The following CCDC178 variants were observed in gnomAD, a reference collection of about 807,000 sequenced individuals.
CCDC178 encodes the protein coiled-coil domain containing 178.
In CCDC178, 126 loss-of-function variants were observed where a neutral mutation model predicts 117.4. The ratio of observed to expected loss-of-function variants is 1.07; its 90% CI spans 0.93 to 1.24. CCDC178 has a LOEUF of 1.24. Ranked by LOEUF, CCDC178 falls within the 50% of genes most tolerant of loss-of-function variation. The pLI, the probability that CCDC178 is intolerant of heterozygous loss-of-function variation, is 0.00. For synonymous variants in CCDC178, 283 were observed against 313.4 expected (o/e 0.90, Z 1.02); for missense variants, 1,030 against 986.9 (o/e 1.04, Z -0.59).
At chr18:33,020,066 C>T (rs1468630688) in intron 21 of CCDC178, among the ~76,000 whole-genome samples, 4 of 150,900 alleles carry the variant, frequency 2.7e-5, no homozygotes, top group African/African-American at 9.7e-5. Context: ...CTGTCTCAGC[C>T]TCCCAAGTAG....
intron 4 of CCDC178, among the ~76,000 whole-genome samples, chr18:33,391,307 G>A (rs1392102728): frequency 6.6e-6 from 1 of 151,396 alleles, no homozygotes; most frequent in Non-Finnish European, 1.5e-5. Flanking sequence ...ACAGCATATT[G>A]TATTAGAAAA....
At chr18:33,364,850 A>C (rs1378003675) in intron 6 of CCDC178, among the ~76,000 whole-genome samples, 1 of 151,890 alleles carries the variant, frequency 6.6e-6, no homozygotes, top group African/African-American at 2.4e-5. Flanking sequence ...TCAATTGACA[A>C]ACAATAATTT....
intron 16 of CCDC178, among the ~76,000 whole-genome samples, chr18:33,225,720 T>C (rs1028104078): frequency 2.0e-5 from 3 of 152,242 alleles, no homozygotes; most frequent in African/African-American, 7.2e-5. Flanking sequence ...AAAACATACG[T>C]ATAGAAATAA....
chr18:33,254,416 G>A (rs2059654818), intron 14 of CCDC178, among the ~76,000 whole-genome samples: 1 of 151,830 alleles, frequency 6.6e-6, no homozygotes. Context: ...ATGGAACCAA[G>A]GAAAGTTAGT....
At chr18:33,209,919 C>CAG (rs553180315) in intron 20 of CCDC178, among the ~76,000 whole-genome samples, 39 of 150,896 alleles carry the variant, frequency 2.6e-4, no homozygotes, top group South Asian at 4.2e-4. Flanking sequence ...ATGAGACAGA[C>CAG]AGAGAGAGAG....
chr18:33,394,259 T>C (rs1387054177), intron 4 of CCDC178, among the ~76,000 whole-genome samples: 3 of 151,948 alleles, frequency 2.0e-5, no homozygotes. Context: ...ATTGAACATA[T>C]ACATGACAGT....
intron 21 of CCDC178, among the ~76,000 whole-genome samples, chr18:33,059,077 T>A (rs2056878534): frequency 6.6e-6 from 1 of 152,076 alleles, no homozygotes; most frequent in South Asian, 2.1e-4. Flanking sequence ...TCAGGAAGAA[T>A]CTTATTTGTG....
intron 21 of CCDC178, among the ~76,000 whole-genome samples, chr18:33,089,895 T>C (rs1011496604): frequency 6.8e-6 from 1 of 147,394 alleles, no homozygotes; most frequent in African/African-American, 2.7e-5. Context: ...TTTTCCTTCA[T>C]GTATTTCTAG....
intron 6 of CCDC178, among the ~76,000 whole-genome samples, 195 bp downstream of exon 6, chr18:33,369,855 G>A (rs371142752): frequency 1.4e-4 from 21 of 151,992 alleles, no homozygotes; most frequent in African/African-American, 5.1e-4. Context: ...ATTTAATAAG[G>A]TCGTTTCACC....
intron 20 of CCDC178, among the ~76,000 whole-genome samples, chr18:33,202,998 A>G (rs2059010123): frequency 6.6e-6 from 1 of 152,150 alleles, no homozygotes; most frequent in Non-Finnish European, 1.5e-5. Context: ...ATATTCTTTT[A>G]GGAGGTTTTG....
chr18:33,040,977 T>TA (rs948754902), intron 21 of CCDC178, among the ~76,000 whole-genome samples: 1 of 151,906 alleles, frequency 6.6e-6, no homozygotes, highest in Non-Finnish European at 1.5e-5. Context: ...TTGGAAGAGT[T>TA]AAAATAACTC....
intron 21 of CCDC178, among the ~76,000 whole-genome samples, chr18:33,018,376 A>G (rs2056040636): frequency 6.6e-6 from 1 of 152,100 alleles, no homozygotes; most frequent in South Asian, 2.1e-4. Flanking sequence ...AAAATGTTAA[A>G]CATATAGTTA....
Position 33,266,539 on chromosome 18 carries a change from CT to C in CCDC178, c.1409+376del, listed in dbSNP as rs538737639. Among the ~76,000 whole-genome samples, 305 of 146,910 alleles carry C rather than the reference CT, an allele frequency of 2.1e-3. 2 individuals are homozygous for C. Among genetic ancestry groups the C allele is most frequent in the African/African-American group, 7.1e-3 (283 of 39,762 alleles). ...AACTTTTACAATTATTTTGACTTTT[CT>C]TTTTTTTCTTTATTTTATTATTATT... On this transcript the variant is annotated intron_variant, in intron 14 of 22. Transcript: ENST00000383096.
intron 7 of CCDC178, among the ~76,000 whole-genome samples, chr18:33,350,019 C>G (rs1015576948): frequency 1.3e-5 from 2 of 151,716 alleles, no homozygotes; most frequent in African/African-American, 4.8e-5. Flanking sequence ...AGAGAAATAT[C>G]CTTTATATTT....
intron 21 of CCDC178, among the ~76,000 whole-genome samples, chr18:32,978,404 T>C (rs1165300021): frequency 6.6e-6 from 1 of 151,874 alleles, no homozygotes. Context: ...GAAAAACAAC[T>C]AAGATGCTGC....
At chr18:33,291,622 G>A (rs372705808) in intron 12 of CCDC178, among the ~76,000 whole-genome samples, 49 of 152,066 alleles carry the variant, frequency 3.2e-4, no homozygotes, top group African/African-American at 1.2e-3. Context: ...TATCTATTAT[G>A]TTCTTATACA....
intron 22 of CCDC178, among the ~76,000 whole-genome samples, chr18:32,945,325 C>T (rs1238047425): frequency 1.3e-5 from 2 of 152,114 alleles, no homozygotes; most frequent in African/African-American, 2.4e-5. Flanking sequence ...TATGAACATA[C>T]TCCCCAAGTT....
rs186229641 is a variant in CCDC178 at position 33,250,680 on chromosome 18, T to C, written c.1410-5252A>G. Among the ~76,000 whole-genome samples the C allele has an allele frequency of 8.6e-5, 13 of 151,770 alleles. No individual in the cohort carries two copies. The East Asian group carries it at 2.5e-3, about 29-fold the overall frequency. On this transcript the variant is annotated intron_variant, in intron 14 of 22. Coordinates refer to ENST00000383096, the MANE Select transcript of CCDC178 (RefSeq NM_001105528.4). Reference sequence around the variant, plus strand: ...TAAGAAGCAATTCACAAATCAACTATCAGACTCCTATCGGAACATCATAGG... The same window carrying C: ...TAAGAAGCAATTCACAAATCAACTACCAGACTCCTATCGGAACATCATAGG...
chr18:33,127,970 T>C (rs576834317), intron 20 of CCDC178, among the ~76,000 whole-genome samples: 19 of 152,182 alleles, frequency 1.2e-4, no homozygotes, highest in Non-Finnish European at 2.2e-4. Flanking sequence ...GTCTGCCATC[T>C]GATATGGGTG....
Sources: gnomAD v4.1 joint callset for allele counts (sites outside exome capture counted in the v4.1 genomes callset) on GRCh38, gnomAD v4.1.1 for gene constraint, MANE v1.5 for transcripts, NCBI Gene and HGNC (gene_info 2026-07-23, HGNC 2026-07-21) for gene names.